PTPRR: variants seen among roughly 807,000 people sequenced by gnomAD.
PTPRR encodes the protein protein tyrosine phosphatase receptor type R, also known as receptor-type tyrosine-protein phosphatase R.
PTPRR carries 38 observed loss-of-function variants against 77.2 expected under a neutral mutation model. That is an observed-to-expected ratio of 0.49 (90% CI 0.38 to 0.65). The LOEUF is 0.65. Ranked by LOEUF, PTPRR falls within the 30% of genes least tolerant of loss-of-function variation. The probability of loss-of-function intolerance (pLI) is 0.00; values close to 1 mark genes in which losing one functional copy is unlikely to be tolerated. For synonymous variants in PTPRR, 299 were observed against 283.1 expected, an observed-to-expected ratio of 1.06 and a Z score of -0.57; for missense variants, 744 against 799.2, an observed-to-expected ratio of 0.93 and a Z score of 0.83.
intron 2 of PTPRR, among the ~76,000 whole-genome samples, chr12:70,848,002 T>C (rs538175676): frequency 1.3e-5 from 2 of 152,294 alleles, no homozygotes; most frequent in Admixed American, 1.3e-4. Flanking sequence ...AACTATTTCA[T>C]ATGGGCATGA....
intron 10 of PTPRR, among the ~76,000 whole-genome samples, chr12:70,663,598 C>T (rs966239057): frequency 2.0e-5 from 3 of 152,042 alleles, no homozygotes; most frequent in Non-Finnish European, 4.4e-5. Flanking sequence ...ATAAAAATTG[C>T]AAAATGAGAT....
At chr12:70,765,714 T>A (rs1407130234) in intron 2 of PTPRR, among the ~76,000 whole-genome samples, 1 of 152,188 alleles carries the variant, frequency 6.6e-6, no homozygotes, top group Non-Finnish European at 1.5e-5. Context: ...CCTCCTCAAG[T>A]GGGTCCCTGA....
chr12:70,758,297 C>A (rs1255186713), intron 4 of PTPRR, among the ~76,000 whole-genome samples: 1 of 152,078 alleles, frequency 6.6e-6, no homozygotes, highest in African/African-American at 2.4e-5. Context: ...CTGTGAGAGG[C>A]CATTAAGCTA....
intron 2 of PTPRR, among the ~76,000 whole-genome samples, chr12:70,808,912 C>A (rs926205158): frequency 1.3e-5 from 2 of 152,166 alleles, no homozygotes; most frequent in Non-Finnish European, 2.9e-5. Flanking sequence ...TCTTCTTACT[C>A]TAAATCAGAA....
chr12:70,746,221 G>C, intron 5 of PTPRR, 135 bp from the exon 6 acceptor site: 4 of 824,074 alleles, frequency 4.9e-6, no homozygotes, highest in Non-Finnish European at 7.4e-6. Flanking sequence ...TCTGAGAGAT[G>C]ATTTCTCAGT....
At chr12:70,675,638 T>G (rs928339016) in intron 10 of PTPRR, among the ~76,000 whole-genome samples, 3 of 152,158 alleles carry the variant, frequency 2.0e-5, no homozygotes, top group South Asian at 2.1e-4. Context: ...CACTATTATT[T>G]CTTGTATTTG....
intron 2 of PTPRR, among the ~76,000 whole-genome samples, chr12:70,776,967 T>C (rs1891101831): frequency 6.6e-6 from 1 of 152,186 alleles, no homozygotes; most frequent in South Asian, 2.1e-4. Flanking sequence ...CCCTTCATCC[T>C]AATCCGCAGA....
rs543837440 is a variant in PTPRR at position 70,858,332 on chromosome 12, CTG to C, written c.357+34345_357+34346del. 1.2e-4 allele frequency among the ~76,000 whole-genome samples: 18 copies of C among 152,216 alleles called. No homozygotes were observed. In the South Asian group the frequency reaches 3.7e-3, roughly 32 times the overall value. ...TGCCCATCTATTTCCATCTTGGACT[CTG>C]TCTTGTAGGATGGACACTGACACAG... On this transcript the variant is annotated intron_variant, in intron 2 of 13. Transcript: ENST00000283228.
chr12:70,714,729 A>G (rs1193736629), intron 6 of PTPRR, among the ~76,000 whole-genome samples: 1 of 152,078 alleles, frequency 6.6e-6, no homozygotes, highest in African/African-American at 2.4e-5. Flanking sequence ...TCTCACCTTT[A>G]CTCCCAGCAC....
intron 10 of PTPRR, among the ~76,000 whole-genome samples, chr12:70,677,378 G>A (rs905541343): frequency 2.0e-5 from 3 of 151,996 alleles, no homozygotes; most frequent in Non-Finnish European, 2.9e-5. Flanking sequence ...ATAGTTTGAC[G>A]CCTTCCTTTC....
At chr12:70,736,126 G>A (rs1889852890) in intron 6 of PTPRR, among the ~76,000 whole-genome samples, 1 of 151,984 alleles carries the variant, frequency 6.6e-6, no homozygotes, top group African/African-American at 2.4e-5. Context: ...CTTCCTCTTG[G>A]TCATTTATGT....
At chr12:70,788,843 A>T in intron 2 of PTPRR, 1 of 1,525,498 alleles carries the variant, frequency 6.6e-7, no homozygotes, top group Non-Finnish European at 8.8e-7. Flanking sequence ...GCATGTTGTG[A>T]TGAAGTCGAC....
At chr12:70,782,767 C>T (rs952890021) in intron 2 of PTPRR, among the ~76,000 whole-genome samples, 8 of 152,180 alleles carry the variant, frequency 5.3e-5, no homozygotes, top group Middle Eastern at 3.4e-3. Flanking sequence ...AGCACACCAA[C>T]ATGGCACATG....
intron 2 of PTPRR, among the ~76,000 whole-genome samples, chr12:70,778,829 C>A (rs144110738): frequency 6.6e-6 from 1 of 152,058 alleles, no homozygotes; most frequent in Non-Finnish European, 1.5e-5. Flanking sequence ...GTTTCTTGGT[C>A]TTTTGCATTC....
At chr12:70,797,481 T>C (rs1891536096) in intron 2 of PTPRR, among the ~76,000 whole-genome samples, 1 of 152,188 alleles carries the variant, frequency 6.6e-6, no homozygotes, top group Admixed American at 6.5e-5. Context: ...TCTCTACCCA[T>C]TGGCCCATTT....
At chr12:70,775,983 G>A (rs1891078986) in intron 2 of PTPRR, among the ~76,000 whole-genome samples, 1 of 152,012 alleles carries the variant, frequency 6.6e-6, no homozygotes, top group Admixed American at 6.6e-5. Flanking sequence ...TCTGCTATTA[G>A]TTACAGATTA....
At chr12:70,678,029 T>C (rs1483555550) in intron 10 of PTPRR, among the ~76,000 whole-genome samples, 1 of 152,096 alleles carries the variant, frequency 6.6e-6, no homozygotes, top group Admixed American at 6.6e-5. Context: ...AGGTCCTGGG[T>C]TTTGTCTTCA....
chr12:70,726,927 C>T (rs1889461011), intron 6 of PTPRR, among the ~76,000 whole-genome samples: 1 of 152,002 alleles, frequency 6.6e-6, no homozygotes, highest in Admixed American at 6.6e-5. Flanking sequence ...ATTTTTTTCT[C>T]TCCAATATTT....
rs932239312 is a variant in PTPRR, at chr12:70,733,072, G to T, written c.1007+12746C>A. Among the ~76,000 whole-genome samples the T allele has an allele frequency of 3.9e-5, 6 of 152,020 alleles. No homozygotes were observed. In the South Asian group the frequency reaches 1.3e-3, roughly 32 times the overall value. Reference sequence around the variant, plus strand: ...AAAGTAAGGCAGGTGGGATGGGGAGGGCCTGGAAAAGGGGAGAATCCTTGA... The same window carrying T: ...AAAGTAAGGCAGGTGGGATGGGGAGTGCCTGGAAAAGGGGAGAATCCTTGA... On this transcript the variant is annotated intron_variant, in intron 6 of 13. Coordinates refer to ENST00000283228, the MANE Select transcript of PTPRR (RefSeq NM_002849.4).
Sources: allele counts gnomAD v4.1 joint callset (sites outside exome capture counted in the v4.1 genomes callset), GRCh38; gene constraint gnomAD v4.1.1; transcripts MANE v1.5; gene names NCBI Gene and HGNC (gene_info 2026-07-23, HGNC 2026-07-21).